The following FBXO28 variants were observed in gnomAD, a reference collection of about 807,000 sequenced individuals.
The protein encoded by FBXO28 is F-box only protein 28.
Under a neutral mutation model 38.1 loss-of-function variants are expected in FBXO28, and 8 were observed. The ratio of observed to expected loss-of-function variants is 0.21; its 90% CI spans 0.12 to 0.38. The LOEUF (loss-of-function observed/expected upper bound fraction) is 0.38, where lower values mean the gene tolerates loss of function less well. Ranked by LOEUF, FBXO28 falls within the 10% of genes least tolerant of loss-of-function variation. FBXO28 has a pLI of 1.00. For missense variants in FBXO28, 345 were observed against 460.6 expected, an observed-to-expected ratio of 0.75 and a Z score of 2.30; for synonymous variants, 168 against 173.8, an observed-to-expected ratio of 0.97 and a Z score of 0.26.
intron 1 of FBXO28, among the ~76,000 whole-genome samples, chr1:224,119,130 T>C (rs1223056935): frequency 1.6e-5 from 1 of 62,550 alleles, no homozygotes; most frequent in South Asian, 6.6e-4. Context: ...TTTTTTCTTT[T>C]TTTTCTTTTT....
intron 1 of FBXO28, among the ~76,000 whole-genome samples, chr1:224,115,911 T>A (rs1350150507): frequency 6.6e-6 from 1 of 152,138 alleles, no homozygotes; most frequent in Non-Finnish European, 1.5e-5. Context: ...TTTACTATTT[T>A]AAAAAAATGT....
intron 1 of FBXO28, among the ~76,000 whole-genome samples, chr1:224,119,381 C>T (rs888321131): frequency 6.6e-6 from 1 of 151,950 alleles, no homozygotes; most frequent in Non-Finnish European, 1.5e-5. Context: ...TCATGATCTG[C>T]CTGCTTCGGC....
chr1:224,119,991 A>G (rs1463418787), intron 1 of FBXO28, among the ~76,000 whole-genome samples: 1 of 152,184 alleles, frequency 6.6e-6, no homozygotes, highest in Non-Finnish European at 1.5e-5. Flanking sequence ...GGGTGGAGCA[A>G]ATAAGGGCAT....
At chr1:224,121,929 C>T (rs12144944) in intron 1 of FBXO28, among the ~76,000 whole-genome samples, 38,294 of 152,028 alleles carry the variant, frequency 0.25, 5,077 homozygotes, top group East Asian at 0.47. Context: ...GCCTGCACCA[C>T]CACGCCTGGC....
intron 1 of FBXO28, among the ~76,000 whole-genome samples, chr1:224,124,738 G>A (rs1000718179): frequency 2.0e-5 from 3 of 151,968 alleles, no homozygotes; most frequent in Admixed American, 6.6e-5. Flanking sequence ...GTATTGTTTC[G>A]TTTTTGAGAT....
At chr1:224,115,307 G>T (rs1656620210) in intron 1 of FBXO28, among the ~76,000 whole-genome samples, 1 of 152,180 alleles carries the variant, frequency 6.6e-6, no homozygotes, top group Non-Finnish European at 1.5e-5. Flanking sequence ...AAGTGGTAAA[G>T]AAATTGAAGG....
At chr1:224,136,101 G>GTTTTGTT (rs1553290075) in intron 3 of FBXO28, among the ~76,000 whole-genome samples, 2 of 75,114 alleles carry the variant, frequency 2.7e-5, no homozygotes, top group Admixed American at 2.3e-4. Context: ...GTTGACTTCA[G>GTTTTGTT]TTTTTTTTTT....
chr1:224,123,392 G>A (rs1239567846), intron 1 of FBXO28, among the ~76,000 whole-genome samples: 2 of 134,854 alleles, frequency 1.5e-5, no homozygotes, highest in South Asian at 2.4e-4. Context: ...TCAGTAAGCC[G>A]TGATCGTGCC....
rs1273022193 is a variant in FBXO28, at chr1:224,159,295, C to T, written c.*1549C>T. The T allele has an allele frequency of 6.6e-6, 1 of 152,466 alleles. No homozygotes were observed. Among genetic ancestry groups the T allele is most frequent in the African/African-American group, 2.4e-5 (1 of 41,398 alleles). The allele number at this position is 152,466 out of a possible 1,614,324, so 9.4% of individuals were successfully genotyped here. A position where few individuals can be genotyped will look rare whatever the true frequency, so the allele number is the denominator to read the frequency against. ...GTTGAATAAAAGCACAAGGTTATCA[C>T]CTTTTTTATCCGTCCACCGTGACAT... On this transcript the variant is annotated 3_prime_UTR_variant, in exon 5 of 5. Coordinates refer to ENST00000366862, the MANE Select transcript of FBXO28 (RefSeq NM_015176.4).
chr1:224,114,257 C>A lies in FBXO28; in HGVS notation c.128C>A (p.Pro43Gln). ...PPPPAPQHPQ[P>Q]GSQALPAPAL... Reference sequence around the variant, plus strand: ...CCGCCCGCGCCACAGCACCCGCAGCCGGGGTCCCAGGCGCTCCCAGCCCCC... The same window carrying A: ...CCGCCCGCGCCACAGCACCCGCAGCAGGGGTCCCAGGCGCTCCCAGCCCCC... The change falls in exon 1 of 5, where the codon CCG becomes CAG. Residue 43 changes from proline (P) to glutamine (Q), a missense_variant. Pro to Gln is a moderately conservative substitution (Grantham distance 76). Transcript: ENST00000366862. 1 of 1,555,058 alleles carries A rather than the reference C, an allele frequency of 6.4e-7. No individual in the cohort carries two copies. Among genetic ancestry groups the A allele is most frequent in the African/African-American group, 1.4e-5 (1 of 73,528 alleles).
In FBXO28 at chr1:224,114,227, C is replaced by T. The variant is rs1193354289; in HGVS notation, c.98C>T (p.Pro33Leu). ...SLASGSTQRQ[P>L]PPPAPQHPQP... Reference sequence around the variant, plus strand: ...GCCTCCGGCTCTACCCAGCGACAGCCTCCACCGCCCGCGCCACAGCACCCG... The same window carrying T: ...GCCTCCGGCTCTACCCAGCGACAGCTTCCACCGCCCGCGCCACAGCACCCG... The change falls in exon 1 of 5, where the codon CCT (proline) becomes CTT (leucine). Residue 33 changes from proline (P) to leucine (L), a missense_variant. Pro to Leu is a moderately conservative substitution (Grantham distance 98). Transcript: ENST00000366862. 1.3e-5 allele frequency: 20 copies of T among 1,550,914 alleles called. No homozygotes were observed. Among genetic ancestry groups the T allele is most frequent in the Non-Finnish European group, 1.7e-5 (20 of 1,147,542 alleles).
At chr1:224,152,872 G>A (rs1351050072) in intron 3 of FBXO28, among the ~76,000 whole-genome samples, 1 of 137,082 alleles carries the variant, frequency 7.3e-6, no homozygotes, top group African/African-American at 2.8e-5. Context: ...AGGTTGCAAT[G>A]AGCTGAGATC....
chr1:224,114,960 C>T (rs150674439), intron 1 of FBXO28, among the ~76,000 whole-genome samples: 2 of 152,322 alleles, frequency 1.3e-5, no homozygotes, highest in East Asian at 3.9e-4. Context: ...AACGTGTTTA[C>T]TTAGCGTTAG....
At chr1:224,148,790 T>C (rs1401388743) in intron 3 of FBXO28, among the ~76,000 whole-genome samples, 1 of 152,210 alleles carries the variant, frequency 6.6e-6, no homozygotes, top group African/African-American at 2.4e-5. Flanking sequence ...ATCCCTGTGC[T>C]CAACTCCACA....
At chr1:224,135,611 C>CAA (rs71168313) in intron 3 of FBXO28, among the ~76,000 whole-genome samples, 5,597 of 110,180 alleles carry the variant, frequency 0.051, 317 homozygotes, top group South Asian at 0.063. Context: ...GACTCTGTCT[C>CAA]AAAAAAAAAA....
chr1:224,154,575 A>G (rs575936190), intron 4 of FBXO28, among the ~76,000 whole-genome samples: 6 of 151,230 alleles, frequency 4.0e-5, no homozygotes, highest in African/African-American at 7.3e-5. Flanking sequence ...TTGGGAGGCC[A>G]AGGCGGGCGG....
chr1:224,147,190 C>T (rs1189749973), intron 3 of FBXO28, among the ~76,000 whole-genome samples: 1 of 151,218 alleles, frequency 6.6e-6, no homozygotes, highest in Non-Finnish European at 1.5e-5. Flanking sequence ...TTTGGCAGGC[C>T]GAGGCAGGCG....
Position 224,144,405 on chromosome 1 carries a change from G to C in FBXO28, c.517-8737G>C, listed in dbSNP as rs1489069529. ...TAGCCCAGGAGGTCAGGGCTGCAGCGAGATGTGGTCATGCCACTGCACTCC... is the reference window on the plus strand; with the variant it reads ...TAGCCCAGGAGGTCAGGGCTGCAGCCAGATGTGGTCATGCCACTGCACTCC... On this transcript the variant is annotated intron_variant, in intron 3 of 4. Coordinates refer to ENST00000366862, the MANE Select transcript of FBXO28 (RefSeq NM_015176.4). 2.0e-5 allele frequency among the ~76,000 whole-genome samples: 3 copies of C among 152,104 alleles called. No homozygotes were observed. In the South Asian group the frequency reaches 6.2e-4, roughly 32 times the overall value.
chr1:224,155,955 A>G (rs1038830148), intron 4 of FBXO28, among the ~76,000 whole-genome samples: 1 of 152,252 alleles, frequency 6.6e-6, no homozygotes, highest in African/African-American at 2.4e-5. Flanking sequence ...ATGAGAGCAG[A>G]GAAACAATTT....
Sources: allele counts gnomAD v4.1 joint callset (sites outside exome capture counted in the v4.1 genomes callset), GRCh38; gene constraint gnomAD v4.1.1; transcripts MANE v1.5; gene names NCBI Gene and HGNC (gene_info 2026-07-23, HGNC 2026-07-21).